Variants in SLCO4A1 observed in about 807,000 individuals in gnomAD.
The protein encoded by SLCO4A1 is solute carrier organic anion transporter family member 4A1.
Under a neutral mutation model 64.6 loss-of-function variants are expected in SLCO4A1, and 51 were observed. The observed-to-expected ratio is 0.79, with a 90% CI of 0.63 to 1.00. The LOEUF (loss-of-function observed/expected upper bound fraction) is 1.00, where lower values mean the gene tolerates loss of function less well. Ranked by LOEUF, SLCO4A1 falls within the 50% of genes least tolerant of loss-of-function variation. SLCO4A1 has a pLI of 0.00. For synonymous variants in SLCO4A1, 471 were observed against 444.9 expected (o/e 1.06, Z -0.74); for missense variants, 919 against 980.5 (o/e 0.94, Z 0.84).
rs1984529564 is a variant in SLCO4A1, at chr20:62,660,339, G to T, written c.888-73G>T. 9 of 1,554,524 alleles carry T rather than the reference G, an allele frequency of 5.8e-6. No individual in the cohort carries two copies. In the Admixed American group the frequency reaches 1.6e-4, roughly 28 times the overall value. ...GGTCTGCCCGGAGGAGGGGCCAGCA[G>T]CCCCCAGTGTGTGTGCCATGGAGGG... On this transcript the variant is annotated intron_variant, in intron 3 of 11. Coordinates refer to ENST00000217159, the MANE Select transcript of SLCO4A1 (RefSeq NM_016354.4).
intron 2 of SLCO4A1, among the ~76,000 whole-genome samples, chr20:62,682,414 A>G (rs1987874659): frequency 6.6e-6 from 1 of 152,200 alleles, no homozygotes; most frequent in Non-Finnish European, 1.5e-5. Flanking sequence ...GGCAGATGGC[A>G]CTTTCCCCAA....
chr20:62,676,269 C>G (rs1475437961), downstream of SLCO4A1, among the ~76,000 whole-genome samples: 1 of 151,870 alleles, frequency 6.6e-6, no homozygotes, highest in Non-Finnish European at 1.5e-5. Context: ...AAATACAAAA[C>G]ATTAGCCGGG....
chr20:62,668,655 C>A (rs1157829808), intron 10 of SLCO4A1, 114 bp downstream of exon 10: 2 of 1,073,884 alleles, frequency 1.9e-6, no homozygotes, highest in East Asian at 2.4e-5. Context: ...AGGCTGTTCC[C>A]GCCTGGGAAG....
rs761367043 is a variant in SLCO4A1 at position 62,668,943 on chromosome 20, G to A, written c.1890G>A (p.Gly630=). The change falls in exon 11 of 12, where the codon GGG becomes GGA. Residue 630 remains glycine, a synonymous_variant. Coordinates refer to ENST00000217159, the MANE Select transcript of SLCO4A1 (RefSeq NM_016354.4). ...IVVRILGGIP[G]PIAFGWVIDK... ...TTCTCTCCGCAGGGGGCATCCCGGG[G>A]CCCATCGCCTTCGGCTGGGTGATCG... 1.2e-6 allele frequency: 2 copies of A among 1,605,178 alleles called. No individual in the cohort carries two copies. The highest frequency in any genetic ancestry group is 3.3e-5 in the Admixed American group (2 of 60,024).
chr20:62,653,593 G>T (rs568321142), intron 1 of SLCO4A1, among the ~76,000 whole-genome samples: 1 of 152,310 alleles, frequency 6.6e-6, no homozygotes, highest in East Asian at 1.9e-4. Flanking sequence ...CTGCGCCTCC[G>T]CTCCCACCCG....
chr20:62,662,077 G>C (rs557824998), intron 5 of SLCO4A1, among the ~76,000 whole-genome samples: 6 of 152,310 alleles, frequency 3.9e-5, no homozygotes, highest in African/African-American at 1.4e-4. Flanking sequence ...AGTGGGTGGA[G>C]GGTGTGGGCA....
At position 62,681,567 on chromosome 20, in the gene SLCO4A1, CGT is replaced by C. The variant is rs371964720; in HGVS notation, n.212-3861_212-3860del. Among the ~76,000 whole-genome samples, 42 of 151,494 alleles carry C rather than the reference CGT, an allele frequency of 2.8e-4. No homozygotes were observed. In the East Asian group the frequency reaches 5.6e-3, roughly 20 times the overall value. On this transcript the variant is annotated intron_variant and non_coding_transcript_variant, in intron 2 of 2. Transcript: ENST00000466818. ...GTGTATTAAACCGTGTGTACACACT[CGT>C]GTGTGTGTGTGTTAATCCGTGTGAT... is the stretch of plus-strand genomic sequence containing the variant.
Position 62,656,701 on chromosome 20 carries a change from AGCGTGGCGTGCG to A in SLCO4A1, c.250_261del (p.Val84_Gly87del), listed in dbSNP as rs1304649080. On this transcript the variant is annotated inframe_deletion, in exon 2 of 12. Transcript: ENST00000217159. ...GGTGCGGTACGTCTCGGCCGGGCAGAGCGTGGCGTGCGGCTGGTGGGCCTTCGCACCGCCGTG... is the reference window on the plus strand; with the variant it reads ...GGTGCGGTACGTCTCGGCCGGGCAGAGCTGGTGGGCCTTCGCACCGCCGTG... 1.9e-6 allele frequency: 3 copies of A among 1,610,218 alleles called. No individual in the cohort carries two copies. The African/African-American group carries it at 4.0e-5, about 22-fold the overall frequency.
At chr20:62,687,159 A>C (rs1261182003), downstream of SLCO4A1, among the ~76,000 whole-genome samples, 9 of 144,782 alleles carry the variant, frequency 6.2e-5, no homozygotes, top group African/African-American at 2.4e-4. Flanking sequence ...CCCAAACAGG[A>C]GCGATGGAAA....
chr20:62,682,217 T>C (rs910609452), intron 2 of SLCO4A1, among the ~76,000 whole-genome samples: 1 of 151,976 alleles, frequency 6.6e-6, no homozygotes. Context: ...GAGAAGGGGG[T>C]GCACCTGGGA....
intron 2 of SLCO4A1, among the ~76,000 whole-genome samples, chr20:62,683,228 T>A (rs888245550): frequency 6.6e-6 from 1 of 152,232 alleles, no homozygotes; most frequent in Non-Finnish European, 1.5e-5. Flanking sequence ...CTCTTGTGTT[T>A]AATTCATAAC....
intron 11 of SLCO4A1, among the ~76,000 whole-genome samples, chr20:62,670,418 T>C (rs1987051503): frequency 6.6e-6 from 1 of 152,230 alleles, no homozygotes. Flanking sequence ...CACAGTGCCA[T>C]GTTCAAGCCA....
chr20:62,655,080 G>A (rs186785283), intron 1 of SLCO4A1, among the ~76,000 whole-genome samples: 222 of 152,354 alleles, frequency 1.5e-3, no homozygotes, highest in Non-Finnish European at 2.2e-3. Flanking sequence ...TGTCATATTC[G>A]GAGGTATTGG....
In SLCO4A1 at chr20:62,661,037, G is replaced by GCCCCCCC; in HGVS notation, c.1010-23_1010-22insCCCCCCC. On this transcript the variant is annotated intron_variant, in intron 4 of 11. Coordinates refer to ENST00000217159, the MANE Select transcript of SLCO4A1 (RefSeq NM_016354.4). The surrounding 1 kb of genome is among the most constrained non-coding windows in gnomAD (Gnocchi z 5.2). The stretch of plus-strand genomic sequence containing the variant: ...CACCTCCGGGAGCCCCCAGCCCCCA[G>GCCCCCCC]CCCCAGCTCACTCTGTGCCCTTCCA... The GCCCCCCC allele has an allele frequency of 1.9e-6, 1 of 539,612 alleles. No individual in the cohort carries two copies. Among genetic ancestry groups the GCCCCCCC allele is most frequent in the South Asian group, 1.4e-5 (1 of 69,052 alleles). 33.4% of individuals were successfully genotyped at this position (539,612 alleles called of 1,614,324 possible).
At chr20:62,686,153 G>A (rs949046479), downstream of SLCO4A1, among the ~76,000 whole-genome samples, 4 of 152,178 alleles carry the variant, frequency 2.6e-5, no homozygotes, top group African/African-American at 9.7e-5. Context: ...CCATGGAGAC[G>A]GCTCAGAATA....
chr20:62,687,202 A>ACCCCCAAACAGGAGCGATGGAAAGGGCG (rs1569159377), downstream of SLCO4A1, among the ~76,000 whole-genome samples: 77 of 149,556 alleles, frequency 5.1e-4, no homozygotes, highest in African/African-American at 1.4e-3. Context: ...TGGAAAGGGC[A>ACCCCCAAACAGGAGCGATGGAAAGGGCG]CCCCCAAACA....
In SLCO4A1 at chr20:62,671,950, C is replaced by G. The variant is rs1987284800; in HGVS notation, c.*57C>G. The G allele has an allele frequency of 1.2e-6, 2 of 1,601,802 alleles. No individual in the cohort carries two copies. The highest frequency in any genetic ancestry group is 1.7e-6 in the Non-Finnish European group (2 of 1,179,940). On this transcript the variant is annotated 3_prime_UTR_variant, in exon 12 of 12. Coordinates refer to ENST00000217159, the MANE Select transcript of SLCO4A1 (RefSeq NM_016354.4). Reference sequence around the variant, plus strand: ...CACTCAGCATTTCCTGATGACAGAACAGTGCCGTTGGGTGATGCAATCACA... The same window carrying G: ...CACTCAGCATTTCCTGATGACAGAAGAGTGCCGTTGGGTGATGCAATCACA...
Position 62,661,402 on chromosome 20 carries a change from C to A in SLCO4A1, c.1121+227C>A, listed in dbSNP as rs926140659. ...CCGTGGGAGAGTCCCAGAGTGGGGC[C>A]GGGGCCTCGGCCCGCACCCAGGGAG... On this transcript the variant is annotated intron_variant, in intron 5 of 11. Coordinates refer to ENST00000217159, the MANE Select transcript of SLCO4A1 (RefSeq NM_016354.4). The surrounding 1 kb of genome is among the most constrained non-coding windows in gnomAD (Gnocchi z 5.2). Among the ~76,000 whole-genome samples the A allele has an allele frequency of 1.3e-5, 2 of 152,088 alleles. No individual in the cohort carries two copies. The highest frequency in any genetic ancestry group is 4.8e-5 in the African/African-American group (2 of 41,406).
At chr20:62,667,470 AAACAAATG>A (rs1405718359) in intron 7 of SLCO4A1, 7 of 466,746 alleles carry the variant, frequency 1.5e-5, no homozygotes, top group African/African-American at 1.2e-4. Context: ...GCCTGTCCAA[AAACAAATG>A]AACTAGGGAA....
Sources: gnomAD v4.1 joint callset for allele counts (sites outside exome capture counted in the v4.1 genomes callset) on GRCh38, gnomAD v4.1.1 for gene constraint, Gnocchi (gnomAD v3.1) non-coding constraint, MANE v1.5 for transcripts, NCBI Gene and HGNC (gene_info 2026-07-23, HGNC 2026-07-21) for gene names.